The following ZFPM2 variants were observed in gnomAD, a reference collection of about 807,000 sequenced individuals.
The protein encoded by ZFPM2 is zinc finger protein ZFPM2.
Under a neutral mutation model 98.6 loss-of-function variants are expected in ZFPM2, and 20 were observed. The observed-to-expected ratio is 0.20, with a 90% CI of 0.14 to 0.29. The LOEUF is 0.29. ZFPM2 is among the 10% of genes least tolerant of loss of function. The pLI is 1.00. For synonymous variants in ZFPM2, 518 were observed against 502.7 expected (o/e 1.03, Z -0.41); for missense variants, 1,310 against 1,388.6 (o/e 0.94, Z 0.90).
intron 1 of ZFPM2, among the ~76,000 whole-genome samples, chr8:105,374,894 T>A (rs1350653003): frequency 6.6e-6 from 1 of 152,038 alleles, no homozygotes; most frequent in Non-Finnish European, 1.5e-5. Flanking sequence ...ACAACATTTT[T>A]TTTTTTGGGT....
intron 5 of ZFPM2, among the ~76,000 whole-genome samples, chr8:105,651,066 A>G (rs1817162469): frequency 6.6e-6 from 1 of 152,072 alleles, no homozygotes; most frequent in Non-Finnish European, 1.5e-5. Context: ...CTTGTTGCCA[A>G]GTTTTCATTA....
intron 5 of ZFPM2, among the ~76,000 whole-genome samples, chr8:105,703,581 A>G (rs576918239): frequency 6.6e-6 from 1 of 152,116 alleles, no homozygotes; most frequent in Non-Finnish European, 1.5e-5. Flanking sequence ...GCAGCATGAG[A>G]ACAGATTGTG....
chr8:105,694,155 T>C, intron 5 of ZFPM2, among the ~76,000 whole-genome samples: 1 of 151,592 alleles, frequency 6.6e-6, no homozygotes, highest in East Asian at 1.9e-4. Context: ...CCGGCTAATT[T>C]TTTTGTATTT....
intron 5 of ZFPM2, among the ~76,000 whole-genome samples, chr8:105,659,740 T>G (rs1400567245): frequency 6.6e-6 from 1 of 152,234 alleles, no homozygotes; most frequent in African/African-American, 2.4e-5. Flanking sequence ...ATTATGTTTT[T>G]TATTTGAACA....
In ZFPM2 at chr8:105,694,274, C is replaced by T. The variant is rs1586202748; in HGVS notation, c.532+59917C>T. Among the ~76,000 whole-genome samples the T allele has an allele frequency of 7.2e-5, 11 of 152,174 alleles. No individual in the cohort carries two copies. The South Asian group carries it at 2.3e-3, about 32-fold the overall frequency. ...GTGCTGGGATTACAGGCCTGAGCCA[C>T]CGCGCCCAGCCTCTCCAAATTTTTT... is the stretch of plus-strand genomic sequence containing the variant. On this transcript the variant is annotated intron_variant, in intron 5 of 7. Coordinates refer to ENST00000407775, the MANE Select transcript of ZFPM2 (RefSeq NM_012082.4).
rs773200163 is a variant in ZFPM2, at chr8:105,634,315, G to C, written c.490G>C (p.Gly164Arg). The change falls in exon 5 of 8, where the codon GGA becomes CGA. Residue 164 changes from glycine (G) to arginine (R), a missense_variant. Transcript: ENST00000407775. ...PKWLLDVTWQ[G>R]VEDNKNNCIV... ...GTGGTTGCTGGATGTGACTTGGCAA[G>C]GAGTGGAAGACAACAAAAACAACTG... 2 of 1,613,054 alleles carry C rather than the reference G, an allele frequency of 1.2e-6. No individual in the cohort carries two copies. Among genetic ancestry groups the C allele is most frequent in the South Asian group, 1.1e-5 (1 of 90,826 alleles).
Position 105,570,528 on chromosome 8 carries a change from A to T in ZFPM2, c.420+9047A>T, listed in dbSNP as rs189775690. ...GGATTTGCTGTGTTATAATGCAGAT[A>T]TAGTTATGATGTTGGCAGTGGATGA... On this transcript the variant is annotated intron_variant, in intron 4 of 7. Coordinates refer to ENST00000407775, the MANE Select transcript of ZFPM2 (RefSeq NM_012082.4). Among the ~76,000 whole-genome samples, 464 of 152,326 alleles carry T rather than the reference A, an allele frequency of 3.0e-3. 3 individuals carry two copies. Among genetic ancestry groups the T allele is most frequent in the Non-Finnish European group, 4.1e-3 (277 of 68,018 alleles).
intron 2 of ZFPM2, among the ~76,000 whole-genome samples, chr8:105,426,595 G>A (rs561161867): frequency 6.6e-6 from 1 of 151,848 alleles, no homozygotes; most frequent in Non-Finnish European, 1.5e-5. Flanking sequence ...TTTTTCTTAG[G>A]TAAATCATAT....
chr8:105,372,331 C>A (rs553684227), intron 1 of ZFPM2, among the ~76,000 whole-genome samples: 1 of 152,010 alleles, frequency 6.6e-6, no homozygotes, highest in Non-Finnish European at 1.5e-5. Context: ...CGTGAGCCAC[C>A]GCGCCCGGCC....
Position 105,803,146 on chromosome 8 carries a change from A to G in ZFPM2, c.3064A>G (p.Asn1022Asp). The G allele has an allele frequency of 6.2e-7, 1 of 1,613,934 alleles. No individual in the cohort carries two copies. Among genetic ancestry groups the G allele is most frequent in the Non-Finnish European group, 8.5e-7 (1 of 1,179,858 alleles). Residue 1022 changes from asparagine to aspartate, a missense_variant, in exon 8 of 8, where the codon AAT becomes GAT. Coordinates refer to ENST00000407775, the MANE Select transcript of ZFPM2 (RefSeq NM_012082.4). ...NESPKGQASSNGCAALKKDSL... is the reference protein window; with the variant it reads ...NESPKGQASSDGCAALKKDSL... ...ATCTCCTAAAGGCCAGGCTTCCTCAAATGGGTGTGCTGCGCTGAAGAAAGA... is the reference window on the plus strand; with the variant it reads ...ATCTCCTAAAGGCCAGGCTTCCTCAGATGGGTGTGCTGCGCTGAAGAAAGA...
chr8:105,467,753 G>GTA (rs1812820967), intron 3 of ZFPM2, among the ~76,000 whole-genome samples: 2 of 151,846 alleles, frequency 1.3e-5, no homozygotes, highest in South Asian at 2.1e-4. Flanking sequence ...ACACACACAT[G>GTA]TATATATATA....
rs1378520453 is a variant in ZFPM2, at chr8:105,660,012, T to A, written c.532+25655T>A. On this transcript the variant is annotated intron_variant, in intron 5 of 7. Coordinates refer to ENST00000407775, the MANE Select transcript of ZFPM2 (RefSeq NM_012082.4). ...GTTTTATCCTGATACTAACAAAGAG[T>A]TTGAAAAAGAAAGATAAACACTTTC... 9.2e-5 allele frequency among the ~76,000 whole-genome samples: 14 copies of A among 152,246 alleles called. No homozygotes were observed. In the East Asian group the frequency reaches 2.7e-3, roughly 29 times the overall value.
At chr8:105,399,521 A>G (rs1286117254) in intron 1 of ZFPM2, among the ~76,000 whole-genome samples, 1 of 152,158 alleles carries the variant, frequency 6.6e-6, no homozygotes, top group African/African-American at 2.4e-5. Context: ...TTTAGTTGCT[A>G]TTGTTCCAAC....
chr8:105,523,290 A>C (rs1814101792), intron 3 of ZFPM2, among the ~76,000 whole-genome samples: 1 of 152,258 alleles, frequency 6.6e-6, no homozygotes, highest in South Asian at 2.1e-4. Context: ...TGTGAGACTT[A>C]TACCAGTACC....
chr8:105,486,009 C>G lies in ZFPM2; in HGVS notation c.301+41628C>G, dbSNP rs535872777. ...ATAACACGGAGATCTATCACCTGAG[C>G]TTTGGATGACTCACATGAAAAGCTG... On this transcript the variant is annotated intron_variant, in intron 3 of 7. Transcript: ENST00000407775. Among the ~76,000 whole-genome samples the G allele has an allele frequency of 3.9e-5, 6 of 152,170 alleles. No homozygotes were observed. In the South Asian group the frequency reaches 1.2e-3, roughly 32 times the overall value.
At chr8:105,658,217 G>A (rs1199540923) in intron 5 of ZFPM2, among the ~76,000 whole-genome samples, 1 of 152,160 alleles carries the variant, frequency 6.6e-6, no homozygotes, top group Non-Finnish European at 1.5e-5. Flanking sequence ...GCCAGAAAAG[G>A]AAGGACACAA....
intron 3 of ZFPM2, among the ~76,000 whole-genome samples, chr8:105,498,027 C>CAAAAAA (rs1195802124): frequency 8.1e-5 from 5 of 61,880 alleles, no homozygotes; most frequent in African/African-American, 1.1e-4. Context: ...CCGTCTCTAC[C>CAAAAAA]AAAAAAAAAA....
intron 4 of ZFPM2, among the ~76,000 whole-genome samples, chr8:105,581,324 T>G (rs984025416): frequency 5.3e-5 from 8 of 152,280 alleles, no homozygotes; most frequent in Admixed American, 4.6e-4. Context: ...TGAATCAATG[T>G]GATACGTGGG....
chr8:105,318,947 C>T lies in ZFPM2; in HGVS notation c.6C>T (p.Ser2=). 1 of 1,457,538 alleles carries T rather than the reference C, an allele frequency of 6.9e-7. No individual in the cohort carries two copies. The highest frequency in any genetic ancestry group is 9.1e-7 in the Non-Finnish European group (1 of 1,094,216). The allele number at this position is 1,457,538 out of a possible 1,614,324, so 90.3% of individuals were successfully genotyped here. A position where few individuals can be genotyped will look rare whatever the true frequency, so the allele number is the denominator to read the frequency against. The part of the protein sequence containing the change: M[S]RRKQSKPRQI... ...CGGCAGCAGCCGCCGCCGAGATGTC[C>T]CGGCGAAAGCAAAGCAAACCCCGGC... Residue 2 remains serine, a synonymous_variant, in exon 1 of 8, where the codon TCC becomes TCT. Coordinates refer to ENST00000407775, the MANE Select transcript of ZFPM2 (RefSeq NM_012082.4).
Sources: gnomAD v4.1 joint callset for allele counts (sites outside exome capture counted in the v4.1 genomes callset) on GRCh38, gnomAD v4.1.1 for gene constraint, MANE v1.5 for transcripts, NCBI Gene and HGNC (gene_info 2026-07-23, HGNC 2026-07-21) for gene names.